EHMT1: variants seen among roughly 807,000 people sequenced by gnomAD.
The protein encoded by EHMT1 is euchromatic histone lysine methyltransferase 1, also known as histone-lysine N-methyltransferase EHMT1.
A neutral mutation model predicts 147.2 loss-of-function variants in EHMT1; 15 were observed. That is an observed-to-expected ratio of 0.10 (90% confidence interval 0.07 to 0.16). The LOEUF (loss-of-function observed/expected upper bound fraction) is 0.16, where lower values mean the gene tolerates loss of function less well. EHMT1 is among the 10% of genes least tolerant of loss of function. The probability of loss-of-function intolerance (pLI) is 1.00; values close to 1 mark genes in which losing one functional copy is unlikely to be tolerated. For synonymous variants in EHMT1, 795 were observed against 709.6 expected (o/e 1.12, Z -1.91); for missense variants, 1,587 against 1,772.4 (o/e 0.90, Z 1.88).
intron 10 of EHMT1, 131 bp downstream of exon 10, chr9:137,762,951 G>A (rs983264150): frequency 3.2e-5 from 38 of 1,201,152 alleles, no homozygotes; most frequent in African/African-American, 3.2e-4. Context: ...TGGATTCTGC[G>A]CAGAACCAAT....
At chr9:137,806,122 G>A (rs1027203873) in intron 18 of EHMT1, among the ~76,000 whole-genome samples, 2 of 151,988 alleles carry the variant, frequency 1.3e-5, no homozygotes, top group African/African-American at 2.4e-5. Flanking sequence ...ACCACGCCTG[G>A]CTAATTTTTG....
At chr9:137,778,102 A>C in intron 13 of EHMT1, 47 bp downstream of exon 13, 6 of 1,611,870 alleles carry the variant, frequency 3.7e-6, no homozygotes, top group Non-Finnish European at 5.1e-6. Context: ...GCCTGTTTTA[A>C]TCTGCACCCC....
Position 137,835,041 on chromosome 9 carries a change from G to A in EHMT1, c.*88G>A, listed in dbSNP as rs1188544157. 3.0e-6 allele frequency: 4 copies of A among 1,316,878 alleles called. No homozygotes were observed. The highest frequency in any genetic ancestry group is 6.5e-5 in the East Asian group (2 of 30,810). 81.6% of individuals were successfully genotyped at this position (1,316,878 alleles called of 1,614,324 possible). On this transcript the variant is annotated 3_prime_UTR_variant, in exon 27 of 27. Coordinates refer to ENST00000460843, the MANE Select transcript of EHMT1 (RefSeq NM_024757.5). ...AGGAGGAGAGATTCCGCACGCAACCGAAAGGGTCCTTCGGGGCTGCGCCGC... is the reference window on the plus strand; with the variant it reads ...AGGAGGAGAGATTCCGCACGCAACCAAAAGGGTCCTTCGGGGCTGCGCCGC...
chr9:137,685,954 G>GTCAA (rs1350491329), intron 1 of EHMT1, among the ~76,000 whole-genome samples: 1 of 152,088 alleles, frequency 6.6e-6, no homozygotes, highest in African/African-American at 2.4e-5. Context: ...TATTTAGTCA[G>GTCAA]TCAGTCAGTC....
intron 10 of EHMT1, chr9:137,763,637 C>T (rs1350597935): frequency 6.5e-6 from 1 of 154,226 alleles, no homozygotes. Context: ...ATTATTGCGT[C>T]TTAGCTGCAC....
chr9:137,777,807 C>A, intron 12 of EHMT1, 75 bp from the exon 13 acceptor site: 2 of 1,591,260 alleles, frequency 1.3e-6, no homozygotes, highest in African/African-American at 1.3e-5. Flanking sequence ...GAAAACAGCG[C>A]TCTCGGGCAG....
At chr9:137,684,298 G>A (rs1221790404) in intron 1 of EHMT1, among the ~76,000 whole-genome samples, 1 of 152,108 alleles carries the variant, frequency 6.6e-6, no homozygotes, top group Admixed American at 6.5e-5. Flanking sequence ...CTCCCAAAGT[G>A]CTGGGATTAC....
At chr9:137,794,384 G>C (rs943815692) in intron 16 of EHMT1, among the ~76,000 whole-genome samples, 1 of 152,190 alleles carries the variant, frequency 6.6e-6, no homozygotes, top group Non-Finnish European at 1.5e-5. Context: ...TCAGTGGCTT[G>C]CTTCTGTAAT....
chr9:137,757,268 G>A (rs1005540142), intron 8 of EHMT1, among the ~76,000 whole-genome samples: 3 of 152,232 alleles, frequency 2.0e-5, no homozygotes, highest in Admixed American at 1.3e-4. Flanking sequence ...AGGGGACACC[G>A]GTCCTTCTCA....
chr9:137,760,102 G>A (rs1284738527), intron 9 of EHMT1, among the ~76,000 whole-genome samples: 1 of 152,204 alleles, frequency 6.6e-6, no homozygotes, highest in East Asian at 1.9e-4. Context: ...CCTGGGAGGG[G>A]CCAGGAGTCG....
chr9:137,635,678 GA>G (rs1346486353), intron 1 of EHMT1, among the ~76,000 whole-genome samples: 2 of 151,114 alleles, frequency 1.3e-5, no homozygotes, highest in East Asian at 4.2e-4. Flanking sequence ...AAATTAGTGG[GA>G]CGTGGTGGCG....
chr9:137,830,163 G>T (rs1418020991), intron 25 of EHMT1, among the ~76,000 whole-genome samples: 2 of 150,052 alleles, frequency 1.3e-5, no homozygotes, highest in Non-Finnish European at 3.0e-5. Flanking sequence ...CTTATTTAAT[G>T]GTCAAACTGC....
intron 1 of EHMT1, among the ~76,000 whole-genome samples, chr9:137,693,163 C>T (rs1943086417): frequency 6.6e-6 from 1 of 152,070 alleles, no homozygotes; most frequent in African/African-American, 2.4e-5. Context: ...GGAGCCACAG[C>T]GTGGAGTTGG....
intron 1 of EHMT1, among the ~76,000 whole-genome samples, chr9:137,649,337 G>A (rs924507630): frequency 1.3e-5 from 2 of 152,112 alleles, no homozygotes; most frequent in African/African-American, 4.8e-5. Context: ...ACGGGTGCCT[G>A]TAATCCCAGA....
At chr9:137,761,339 T>A (rs1461945322) in intron 9 of EHMT1, among the ~76,000 whole-genome samples, 4 of 152,246 alleles carry the variant, frequency 2.6e-5, no homozygotes, top group Admixed American at 6.5e-5. Context: ...TGTTTTCAAA[T>A]CAAGCAAGGT....
intron 1 of EHMT1, among the ~76,000 whole-genome samples, chr9:137,669,205 G>C (rs1471817004): frequency 2.0e-5 from 3 of 152,052 alleles, no homozygotes; most frequent in Non-Finnish European, 4.4e-5. Flanking sequence ...GGTTCTTGAT[G>C]TATCCTTCAT....
intron 1 of EHMT1, among the ~76,000 whole-genome samples, chr9:137,623,227 G>GA (rs1158896548): frequency 2.7e-5 from 4 of 148,936 alleles, no homozygotes; most frequent in Non-Finnish European, 6.0e-5. Flanking sequence ...AAAAAAAAAA[G>GA]AAAAAAAAGA....
At chr9:137,810,025 G>A (rs1954299539) in intron 18 of EHMT1, among the ~76,000 whole-genome samples, 1 of 121,700 alleles carries the variant, frequency 8.2e-6, no homozygotes, top group Admixed American at 7.3e-5. Context: ...TGGGTGATGG[G>A]TCCGGAGGCG....
At chr9:137,643,622 A>G (rs1844669161) in intron 1 of EHMT1, among the ~76,000 whole-genome samples, 1 of 151,506 alleles carries the variant, frequency 6.6e-6, no homozygotes, top group African/African-American at 2.4e-5. Flanking sequence ...TGCTGGGATT[A>G]CAGGCGTGAG....
Sources: gnomAD v4.1 joint callset for allele counts (sites outside exome capture counted in the v4.1 genomes callset) on GRCh38, gnomAD v4.1.1 for gene constraint, MANE v1.5 for transcripts, NCBI Gene and HGNC (gene_info 2026-07-23, HGNC 2026-07-21) for gene names.